RTL4: variants seen among roughly 807,000 people sequenced by gnomAD.
The protein encoded by RTL4 is retrotransposon Gag like 4.
A neutral mutation model predicts 5.3 loss-of-function variants in RTL4; 4 were observed. That is an observed-to-expected ratio of 0.75 (90% CI 0.37 to 1.72). RTL4 has a LOEUF of 1.72. RTL4 is among the 40% of genes most tolerant of loss of function. The probability of loss-of-function intolerance (pLI) is 0.04; values close to 1 mark genes in which losing one functional copy is unlikely to be tolerated. For missense variants in RTL4, 260 were observed against 227.1 expected, an observed-to-expected ratio of 1.14 and a Z score of -0.93; for synonymous variants, 98 against 87.3, an observed-to-expected ratio of 1.12 and a Z score of -0.68.
the RTL4 span, among the ~76,000 whole-genome samples, chrX:112,207,746 G>A: frequency 9.3e-6 from 1 of 107,853 alleles, no homozygotes. Flanking sequence ...ATCCTGAACT[G>A]CCCAGTCAGT....
chrX:112,234,195 AAAATT>A, the RTL4 span, among the ~76,000 whole-genome samples: 11 of 111,059 alleles, frequency 9.9e-5, no homozygotes, highest in African/African-American at 3.6e-4. Flanking sequence ...CTGTCTCAAA[AAAATT>A]AAATTAAATT....
the RTL4 span, among the ~76,000 whole-genome samples, chrX:112,283,262 T>C: frequency 8.9e-6 from 1 of 112,026 alleles, no homozygotes; most frequent in Non-Finnish European, 1.9e-5. Context: ...TGCCACTGAA[T>C]GTTGTGTCAC....
At chrX:112,098,793 C>G in the RTL4 span, among the ~76,000 whole-genome samples, 1 of 111,754 alleles carries the variant, frequency 8.9e-6, no homozygotes, top group African/African-American at 3.3e-5. Flanking sequence ...AAACGATTCC[C>G]TATTTAATAA....
chrX:112,338,506 C>A, the RTL4 span, among the ~76,000 whole-genome samples: 1 of 112,058 alleles, frequency 8.9e-6, no homozygotes, highest in African/African-American at 3.2e-5. Context: ...AGGATGAATT[C>A]AGGTAGTTCT....
chrX:112,352,891 G>A, the RTL4 span, among the ~76,000 whole-genome samples: 1 of 111,670 alleles, frequency 9.0e-6, no homozygotes, highest in African/African-American at 3.3e-5. Context: ...AGAGTGATCA[G>A]GGAACCTACA....
At chrX:112,402,165 T>C in the RTL4 span, among the ~76,000 whole-genome samples, 1,618 of 112,016 alleles carry the variant, frequency 0.014, 37 homozygotes, top group African/African-American at 0.05. Flanking sequence ...TTTTATAAGT[T>C]CTTATTGTAC....
At chrX:112,088,535 C>T in the RTL4 span, among the ~76,000 whole-genome samples, 4 of 111,966 alleles carry the variant, frequency 3.6e-5, no homozygotes, top group Admixed American at 2.8e-4. Context: ...TACAAGTATT[C>T]GTTTTAATAC....
At chrX:112,451,876 T>C (rs1926742254), upstream of RTL4, among the ~76,000 whole-genome samples, 1 of 111,470 alleles carries the variant, frequency 9.0e-6, no homozygotes, top group African/African-American at 3.3e-5. Flanking sequence ...TACTTCTCTG[T>C]GATATTGCTA....
chrX:112,369,763 C>G, the RTL4 span, among the ~76,000 whole-genome samples: 1 of 111,843 alleles, frequency 8.9e-6, no homozygotes, highest in Non-Finnish European at 1.9e-5. Flanking sequence ...TAGAAGACCA[C>G]CTAGGAGTCT....
chrX:112,161,709 C>T, the RTL4 span, among the ~76,000 whole-genome samples: 1 of 110,685 alleles, frequency 9.0e-6, no homozygotes, highest in African/African-American at 3.3e-5. Flanking sequence ...CTATTATGTG[C>T]CATGAACTAT....
At chrX:112,198,160 A>G in the RTL4 span, among the ~76,000 whole-genome samples, 1 of 111,744 alleles carries the variant, frequency 8.9e-6, no homozygotes, top group Non-Finnish European at 1.9e-5. Flanking sequence ...TGCTCTGAAG[A>G]AAATACTTTC....
At chrX:112,259,631 C>G in the RTL4 span, among the ~76,000 whole-genome samples, 106 of 111,004 alleles carry the variant, frequency 9.5e-4, no homozygotes, top group African/African-American at 3.3e-3. Context: ...TTTTCTGTTT[C>G]CTTGTCATAG....
the RTL4 span, among the ~76,000 whole-genome samples, chrX:112,369,668 C>T: frequency 1.8e-5 from 2 of 112,107 alleles, no homozygotes; most frequent in Admixed American, 9.4e-5. Context: ...GTGCCCACTA[C>T]GTGGAAGCAC....
upstream of RTL4, among the ~76,000 whole-genome samples, chrX:112,450,202 A>G (rs770529375): frequency 8.9e-6 from 1 of 112,467 alleles, no homozygotes; most frequent in East Asian, 2.8e-4. Context: ...TGGGATCTCA[A>G]GGGACTCCAG....
At chrX:112,390,829 GT>G in the RTL4 span, among the ~76,000 whole-genome samples, 301 of 111,649 alleles carry the variant, frequency 2.7e-3, 1 homozygote, top group Non-Finnish European at 3.5e-3. Flanking sequence ...TCTTACAGGA[GT>G]TCTCTGTATT....
chrX:112,113,239 A>C, the RTL4 span, among the ~76,000 whole-genome samples: 437 of 110,411 alleles, frequency 4.0e-3, 1 homozygote, highest in Non-Finnish European at 5.1e-3. Context: ...TCCAATGCCC[A>C]AACTTCAGGG....
At chrX:112,372,151 G>A in the RTL4 span, among the ~76,000 whole-genome samples, 5 of 110,639 alleles carry the variant, frequency 4.5e-5, no homozygotes, top group African/African-American at 1.6e-4. Context: ...TTTCTCACTG[G>A]TAACCACTCT....
At chrX:112,217,406 C>A in the RTL4 span, among the ~76,000 whole-genome samples, 1 of 111,709 alleles carries the variant, frequency 9.0e-6, no homozygotes, top group Non-Finnish European at 1.9e-5. Context: ...CTAGCAACTT[C>A]TTTTCTTTTC....
the RTL4 span, among the ~76,000 whole-genome samples, chrX:112,395,659 C>T: frequency 9.0e-6 from 1 of 111,274 alleles, no homozygotes; most frequent in Non-Finnish European, 1.9e-5. Context: ...AATAAGTTTC[C>T]ACCTCTGCCT....
Sources: allele counts gnomAD v4.1 joint callset (sites outside exome capture counted in the v4.1 genomes callset), GRCh38; gene constraint gnomAD v4.1.1; transcripts MANE v1.5; gene names NCBI Gene and HGNC (gene_info 2026-07-23, HGNC 2026-07-21).